The following EXTL3 variants were observed in gnomAD, a reference collection of about 807,000 sequenced individuals.
EXTL3 encodes exostosin-like 3.
EXTL3 carries 27 observed loss-of-function variants against 69.3 expected under a neutral mutation model. The ratio of observed to expected loss-of-function variants is 0.39; its 90% CI spans 0.29 to 0.54. The LOEUF (loss-of-function observed/expected upper bound fraction) is 0.54. Ranked by LOEUF, EXTL3 falls within the 20% of genes least tolerant of loss-of-function variation. The pLI, the probability that EXTL3 is intolerant of heterozygous loss-of-function variation, is 0.69. For synonymous variants in EXTL3, 511 were observed against 499.4 expected (o/e 1.02, Z -0.31); for missense variants, 1,003 against 1,231.8 (o/e 0.81, Z 2.78).
rs530360988 is a variant in EXTL3 at position 28,716,101 on chromosome 8, C to T, written c.42C>T (p.Asn14=). Residue 14 remains asparagine, a synonymous_variant, in exon 3 of 7, where the codon AAC becomes AAT. Coordinates refer to ENST00000220562, the MANE Select transcript of EXTL3 (RefSeq NM_001440.4). The surrounding 1 kb of genome is among the most constrained non-coding windows in gnomAD (Gnocchi z 7.1). ...TGCTGCGGAATGGGGGCGCGGGGAA[C>T]GGAGGTCAGACCTGCATGCTGCGCT... ...YTMLRNGGAG[N]GGQTCMLRWS... The T allele has an allele frequency of 4.5e-5, 73 of 1,612,484 alleles. No homozygotes were observed. The East Asian group carries it at 1.0e-3, about 22-fold the overall frequency.
intron 1 of EXTL3, among the ~76,000 whole-genome samples, chr8:28,648,258 G>C (rs1806865756): frequency 6.6e-6 from 1 of 152,142 alleles, no homozygotes; most frequent in South Asian, 2.1e-4. Context: ...ATATTGTACA[G>C]TCTAAATACT....
intron 1 of EXTL3, among the ~76,000 whole-genome samples, chr8:28,688,228 A>T (rs908901538): frequency 3.3e-5 from 5 of 151,420 alleles, no homozygotes; most frequent in Non-Finnish European, 5.9e-5. Flanking sequence ...CACCTGGCTA[A>T]TTTTTTTTGT....
intron 2 of EXTL3, among the ~76,000 whole-genome samples, chr8:28,611,146 A>T (rs1048181913): frequency 9.9e-5 from 15 of 152,128 alleles, no homozygotes; most frequent in Non-Finnish European, 1.8e-4. Context: ...ATTAAGTGGG[A>T]CATTAAAAAA....
intron 1 of EXTL3, among the ~76,000 whole-genome samples, chr8:28,647,141 G>A (rs1337799586): frequency 7.0e-6 from 1 of 143,376 alleles, no homozygotes; most frequent in Admixed American, 7.2e-5. Flanking sequence ...TTTTGCTCTT[G>A]TCGTCCAGGC....
Position 28,717,550 on chromosome 8 carries a change from C to T in EXTL3, c.1491C>T (p.Leu497=), listed in dbSNP as rs1801188015. ...KPRVTEVHFL[L]RSLSDSDLLA... ...GTGTTACCGAGGTTCATTTCCTGCT[C>T]AGAAGCCTCTCCGATAGTGACCTCC... The change falls in exon 3 of 7, where the codon CTC becomes CTT. Residue 497 remains leucine, a synonymous_variant. Coordinates refer to ENST00000220562, the MANE Select transcript of EXTL3 (RefSeq NM_001440.4). This position sits in a 1 kb window ranked among gnomAD's most constrained non-coding sequence, Gnocchi z 8.3. 3 of 1,614,132 alleles carry T rather than the reference C, an allele frequency of 1.9e-6. No homozygotes were observed. The highest frequency in any genetic ancestry group is 1.6e-4 in the Middle Eastern group (1 of 6,084).
chr8:28,619,418 C>A (rs1442306479), upstream of EXTL3, among the ~76,000 whole-genome samples: 1 of 150,972 alleles, frequency 6.6e-6, no homozygotes, highest in East Asian at 2.0e-4. Context: ...CCTGAAAATT[C>A]GGATTGCCTC....
At chr8:28,656,883 G>GTCTTTCTTTCTT (rs150342301) in intron 1 of EXTL3, among the ~76,000 whole-genome samples, 10,277 of 151,332 alleles carry the variant, frequency 0.068, 464 homozygotes, top group Non-Finnish European at 0.1. Flanking sequence ...ATTATGGTTG[G>GTCTTTCTTTCTT]TCTTTCTTTC....
At chr8:28,747,597 T>C (rs535641716) in intron 6 of EXTL3, among the ~76,000 whole-genome samples, 43 of 152,328 alleles carry the variant, frequency 2.8e-4, no homozygotes, top group African/African-American at 1.0e-3. Context: ...AAATCAAAAG[T>C]ACCAAAACTT....
chr8:28,744,375 C>T (rs927012707), intron 6 of EXTL3, among the ~76,000 whole-genome samples: 2 of 152,094 alleles, frequency 1.3e-5, no homozygotes, highest in Non-Finnish European at 2.9e-5. Flanking sequence ...TAGTTGTGTT[C>T]GACTGGGTGC....
chr8:28,674,275 G>T (rs1386608504), intron 1 of EXTL3, among the ~76,000 whole-genome samples: 1 of 151,932 alleles, frequency 6.6e-6, no homozygotes, highest in Admixed American at 6.6e-5. Context: ...GTCTTGCCAT[G>T]TGGCCCAGGC....
At chr8:28,617,761 C>T (rs965411820), upstream of EXTL3, among the ~76,000 whole-genome samples, 1 of 152,164 alleles carries the variant, frequency 6.6e-6, no homozygotes, top group East Asian at 1.9e-4. Context: ...GACTGGGTGA[C>T]AGAGCAAGAC....
chr8:28,634,682 A>C (rs1433077765), intron 1 of EXTL3, among the ~76,000 whole-genome samples: 2 of 142,988 alleles, frequency 1.4e-5, no homozygotes, highest in African/African-American at 2.7e-5. Flanking sequence ...TGCAACCTCC[A>C]CCCCCGGGTT....
At chr8:28,704,324 T>C (rs1366624820) in intron 1 of EXTL3, among the ~76,000 whole-genome samples, 1 of 152,198 alleles carries the variant, frequency 6.6e-6, no homozygotes, top group Non-Finnish European at 1.5e-5. Context: ...ATATACATAA[T>C]ATATAAGAAT....
At position 28,723,124 on chromosome 8, in the gene EXTL3, T is replaced by A. The variant is rs78398288; in HGVS notation, c.2148+4917T>A. On this transcript the variant is annotated intron_variant, in intron 3 of 6. Transcript: ENST00000220562. ...AAAGTGTTGGTAAGCTGTATTTTTT[T>A]ATTTCTGCCCACTCTACTTTTAAAA... is the stretch of plus-strand genomic sequence containing the variant. Among the ~76,000 whole-genome samples the A allele has an allele frequency of 2.0e-3, 303 of 152,290 alleles. 7 individuals are homozygous for A. Among genetic ancestry groups the A allele is most frequent in the South Asian group, 0.018 (86 of 4,822 alleles).
upstream of EXTL3, among the ~76,000 whole-genome samples, chr8:28,620,723 C>CT (rs773776447): frequency 7.9e-5 from 12 of 151,918 alleles, no homozygotes; most frequent in Non-Finnish European, 1.2e-4. Context: ...GTTTTCTTTT[C>CT]TTTTTTTTAA....
At chr8:28,730,638 A>C (rs982856249) in intron 3 of EXTL3, among the ~76,000 whole-genome samples, 1 of 152,244 alleles carries the variant, frequency 6.6e-6, no homozygotes, top group Admixed American at 6.5e-5. Context: ...AAGACGCAGA[A>C]GCTGTTGTAC....
chr8:28,676,100 G>A (rs572562446), intron 1 of EXTL3, among the ~76,000 whole-genome samples: 1 of 151,686 alleles, frequency 6.6e-6, no homozygotes, highest in Non-Finnish European at 1.5e-5. Flanking sequence ...TAGACTCAAA[G>A]GTGGTCCACG....
At chr8:28,715,396 A>T (rs952682928) in intron 2 of EXTL3, among the ~76,000 whole-genome samples, 189 bp from the exon 3 acceptor site, 2 of 152,160 alleles carry the variant, frequency 1.3e-5, no homozygotes, top group Admixed American at 1.3e-4. Flanking sequence ...TCCATTTATT[A>T]CCCCAAGTAA....
At position 28,682,792 on chromosome 8, in the gene EXTL3, T is replaced by A. The variant is rs535751888; in HGVS notation, c.-52-30665T>A. ...CAATCCCATTTGTCTATTTTTGCTT[T>A]TGTTGCCTGTGTTTTAGGGTCATAT... On this transcript the variant is annotated intron_variant, in intron 1 of 6. Transcript: ENST00000523149. Among the ~76,000 whole-genome samples the A allele has an allele frequency of 1.4e-4, 21 of 152,294 alleles. No individual in the cohort carries two copies. In the South Asian group the frequency reaches 4.4e-3, roughly 32 times the overall value.
Sources: gnomAD v4.1 joint callset for allele counts (sites outside exome capture counted in the v4.1 genomes callset) on GRCh38, gnomAD v4.1.1 for gene constraint, Gnocchi (gnomAD v3.1) non-coding constraint, MANE v1.5 for transcripts, NCBI Gene and HGNC (gene_info 2026-07-23, HGNC 2026-07-21) for gene names.